Variants in C12orf42 observed in about 807,000 individuals in gnomAD.
C12orf42 encodes the protein chromosome 12 open reading frame 42.
C12orf42 carries 25 observed loss-of-function variants against 21.6 expected under a neutral mutation model. That is an observed-to-expected ratio of 1.16 (90% confidence interval 0.84 to 1.62). The LOEUF (loss-of-function observed/expected upper bound fraction) is 1.62, where lower values mean the gene tolerates loss of function less well. Ranked by LOEUF, C12orf42 falls within the 40% of genes most tolerant of loss-of-function variation. C12orf42 has a pLI of 0.00. For synonymous variants in C12orf42, 174 were observed against 175.0 expected, an observed-to-expected ratio of 0.99 and a Z score of 0.05; for missense variants, 483 against 459.3, an observed-to-expected ratio of 1.05 and a Z score of -0.47.
At chr12:103,323,260 G>C (rs975154053) in intron 4 of C12orf42, among the ~76,000 whole-genome samples, 1 of 152,050 alleles carries the variant, frequency 6.6e-6, no homozygotes, top group East Asian at 1.9e-4. Context: ...CTCCCTTTCT[G>C]ACTTACGGCA....
At chr12:103,238,179 C>T (rs116470652) in intron 10 of C12orf42, among the ~76,000 whole-genome samples, 296 of 151,972 alleles carry the variant, frequency 1.9e-3, no homozygotes, top group African/African-American at 7.0e-3. Context: ...ACAAACATGG[C>T]CATGGCTTGA....
intron 4 of C12orf42, among the ~76,000 whole-genome samples, chr12:103,333,585 T>C (rs775671636): frequency 6.6e-6 from 1 of 152,222 alleles, no homozygotes; most frequent in Non-Finnish European, 1.5e-5. Context: ...TTTCCATTTA[T>C]AGCTATAGCA....
the C12orf42 span, chr12:103,504,499 G>A: frequency 0.012 from 1,821 of 153,768 alleles, 37 homozygotes; most frequent in African/African-American, 0.041. Flanking sequence ...CCTGAACAAC[G>A]CCAGATCTGG....
At chr12:103,239,107 A>C (rs906658915) in intron 10 of C12orf42, among the ~76,000 whole-genome samples, 2 of 152,206 alleles carry the variant, frequency 1.3e-5, no homozygotes, top group African/African-American at 4.8e-5. Context: ...TTGTAAGGCT[A>C]CAAATAGGCA....
intron 4 of C12orf42, among the ~76,000 whole-genome samples, chr12:103,356,648 A>G (rs1009791434): frequency 6.6e-6 from 1 of 151,698 alleles, no homozygotes; most frequent in Non-Finnish European, 1.5e-5. Context: ...CCAACAGTGT[A>G]AAAGTGTTCC....
chr12:103,113,636 A>G, the C12orf42 span, among the ~76,000 whole-genome samples: 2 of 152,222 alleles, frequency 1.3e-5, no homozygotes, highest in African/African-American at 4.8e-5. Flanking sequence ...TATAGTGCAC[A>G]TATTAACCTC....
the C12orf42 span, among the ~76,000 whole-genome samples, chr12:103,141,598 C>T: frequency 6.7e-6 from 1 of 149,582 alleles, no homozygotes; most frequent in East Asian, 2.0e-4. Context: ...GGCGGGATCT[C>T]GGCTCACTGC....
the C12orf42 span, among the ~76,000 whole-genome samples, chr12:103,054,146 G>A: frequency 1.3e-5 from 2 of 151,818 alleles, no homozygotes; most frequent in African/African-American, 2.4e-5. Context: ...TTTTGATAGT[G>A]ATTGCATTGA....
the C12orf42 span, among the ~76,000 whole-genome samples, chr12:103,068,912 G>C: frequency 5.0e-5 from 3 of 60,566 alleles, no homozygotes; most frequent in Admixed American, 6.0e-4. Context: ...GATAGATATA[G>C]ATATATATAT....
the C12orf42 span, among the ~76,000 whole-genome samples, chr12:103,191,753 AAAAAAAAG>A: frequency 6.6e-6 from 1 of 150,902 alleles, no homozygotes. Context: ...TAAAAAAAAA[AAAAAAAAG>A]AAAAGAAAAG....
intron 3 of C12orf42, among the ~76,000 whole-genome samples, chr12:103,381,435 T>A (rs1593717872): frequency 2.0e-5 from 3 of 152,188 alleles, no homozygotes; most frequent in Non-Finnish European, 4.4e-5. Flanking sequence ...CTTGAGCTCT[T>A]ACTTGTAGCT....
At chr12:103,294,414 AG>A (rs1449570065) in intron 4 of C12orf42, among the ~76,000 whole-genome samples, 4 of 134,590 alleles carry the variant, frequency 3.0e-5, no homozygotes, top group African/African-American at 1.2e-4. Context: ...AGAAAGAAAG[AG>A]AGAAAGGAGA....
the C12orf42 span, chr12:103,081,566 A>G: frequency 9.8e-4 from 149 of 152,298 alleles, no homozygotes; most frequent in African/African-American, 3.4e-3. Context: ...AAGGTAATTT[A>G]TTAAAATGTT....
At chr12:103,523,895 G>A in the C12orf42 span, among the ~76,000 whole-genome samples, 1 of 151,940 alleles carries the variant, frequency 6.6e-6, no homozygotes, top group Non-Finnish European at 1.5e-5. Flanking sequence ...TTGGAGCTAA[G>A]ATCAGGATGG....
At chr12:103,091,362 GT>G in the C12orf42 span, among the ~76,000 whole-genome samples, 1 of 149,548 alleles carries the variant, frequency 6.7e-6, no homozygotes. Context: ...CCTCTGTGAA[GT>G]TTTTTCCCCC....
intron 2 of C12orf42, among the ~76,000 whole-genome samples, chr12:103,460,474 G>C (rs557910048): frequency 6.6e-6 from 1 of 152,294 alleles, no homozygotes; most frequent in Admixed American, 6.5e-5. Flanking sequence ...AATGGATTTG[G>C]TCAGCACCTT....
the C12orf42 span, among the ~76,000 whole-genome samples, chr12:103,139,500 T>C: frequency 1.3e-5 from 2 of 152,180 alleles, no homozygotes; most frequent in East Asian, 3.9e-4. Flanking sequence ...TTCAAGATAT[T>C]GATTTATGTG....
chr12:103,129,641 ATC>A, the C12orf42 span, among the ~76,000 whole-genome samples: 1 of 152,246 alleles, frequency 6.6e-6, no homozygotes, highest in Admixed American at 6.5e-5. Context: ...TTGTTATGAC[ATC>A]TCTCTCTTAT....
chr12:103,339,232 G>A (rs1311096526), intron 4 of C12orf42, among the ~76,000 whole-genome samples: 1 of 152,136 alleles, frequency 6.6e-6, no homozygotes, highest in Admixed American at 6.5e-5. Flanking sequence ...AAGTTCAGGG[G>A]TACGAGTACA....
Sources: allele counts gnomAD v4.1 joint callset (sites outside exome capture counted in the v4.1 genomes callset), GRCh38; gene constraint gnomAD v4.1.1; transcripts MANE v1.5; gene names NCBI Gene and HGNC (gene_info 2026-07-23, HGNC 2026-07-21).